Variants in OTOG observed in about 807,000 individuals in gnomAD.
OTOG encodes otogelin.
A neutral mutation model predicts 313.8 loss-of-function variants in OTOG; 296 were observed. The observed-to-expected ratio is 0.94, with a 90% CI of 0.86 to 1.04. The LOEUF is 1.04. Among genes scored for constraint, OTOG ranks in the 50% least tolerant of loss-of-function variants. The pLI is 0.00. For synonymous variants in OTOG, 1,533 were observed against 1,554.9 expected (o/e 0.99, Z 0.33); for missense variants, 3,948 against 3,840.1 (o/e 1.03, Z -0.74).
chr11:17,629,107 G>A lies in OTOG; in HGVS notation c.6529-26G>A, dbSNP rs780118865. 13 of 1,543,932 alleles carry A rather than the reference G, an allele frequency of 8.4e-6. No homozygotes were observed. In the South Asian group the frequency reaches 1.4e-4, roughly 17 times the overall value. On this transcript the variant is annotated intron_variant, in intron 39 of 55. Coordinates refer to ENST00000399397, the MANE Select transcript of OTOG (RefSeq NM_001292063.2). ...GGATGAATGAATGGATGGACAAGCT[G>A]TGCTCACACTGAATTCCCTCCCAAG...
chr11:17,576,064 T>C (rs1482851959), intron 20 of OTOG, among the ~76,000 whole-genome samples: 1 of 152,204 alleles, frequency 6.6e-6, no homozygotes, highest in Non-Finnish European at 1.5e-5. Context: ...AATGAGATTA[T>C]GTATGCAGAG....
intron 37 of OTOG, 103 bp from the exon 38 acceptor site, chr11:17,612,517 T>C: frequency 1.4e-6 from 2 of 1,433,684 alleles, no homozygotes; most frequent in Non-Finnish European, 1.9e-6. Flanking sequence ...CCCAGGCCTC[T>C]GCATCCATCC....
rs375919593 is a variant in OTOG, at chr11:17,562,046, AATATATATAT to A, written c.1644+256_1644+265del. Among the ~76,000 whole-genome samples, 2,668 of 139,810 alleles carry A rather than the reference AATATATATAT, an allele frequency of 0.019. 78 individuals carry two copies. Among genetic ancestry groups the A allele is most frequent in the African/African-American group, 0.067 (2,498 of 37,452 alleles). 91.7% of individuals were successfully genotyped at this position (139,810 alleles called of 152,430 possible). Reference sequence around the variant, plus strand: ...TTAGGATTTTACTACCTAAAAAAAAAATATATATATATATATATATATATATGTATGTATA... The same window carrying A: ...TTAGGATTTTACTACCTAAAAAAAAAATATATATATATATATGTATGTATA... On this transcript the variant is annotated intron_variant, in intron 15 of 55. Coordinates refer to ENST00000399397, the MANE Select transcript of OTOG (RefSeq NM_001292063.2).
At chr11:17,561,853 C>T (rs1852193597) in intron 15 of OTOG, 46 bp downstream of exon 15, 1 of 1,546,322 alleles carries the variant, frequency 6.5e-7, no homozygotes, top group South Asian at 1.2e-5. Flanking sequence ...GCTACTCCTG[C>T]CTACTGCCCC....
At chr11:17,622,969 G>A (rs1158102585) in intron 39 of OTOG, among the ~76,000 whole-genome samples, 1 of 152,122 alleles carries the variant, frequency 6.6e-6, no homozygotes, top group South Asian at 2.1e-4. Context: ...CCAAAAGTGT[G>A]AGGGTTCCCT....
Position 17,570,888 on chromosome 11 carries a change from C to T in OTOG, c.1955+498C>T, listed in dbSNP as rs180728810. On this transcript the variant is annotated intron_variant, in intron 17 of 55. Coordinates refer to ENST00000399397, the MANE Select transcript of OTOG (RefSeq NM_001292063.2). Reference sequence around the variant, plus strand: ...TTTCTAACCCACCAGGCCAGTCTAACCCTTGTGCCTTTCCTACCTGGTACT... The same window carrying T: ...TTTCTAACCCACCAGGCCAGTCTAATCCTTGTGCCTTTCCTACCTGGTACT... Among the ~76,000 whole-genome samples the T allele has an allele frequency of 3.3e-3, 502 of 152,272 alleles. 1 individual carries two copies. The highest frequency in any genetic ancestry group is 5.9e-3 in the Non-Finnish European group (398 of 68,012).
intron 47 of OTOG, among the ~76,000 whole-genome samples, chr11:17,637,189 G>A (rs1854287109): frequency 6.6e-6 from 1 of 152,062 alleles, no homozygotes; most frequent in Non-Finnish European, 1.5e-5. Flanking sequence ...TTATATAGAT[G>A]TGTGTGGTTT....
chr11:17,593,233 T>C lies in OTOG; in HGVS notation c.3047T>C (p.Val1016Ala). 1 of 1,550,118 alleles carries C rather than the reference T, an allele frequency of 6.5e-7. No homozygotes were observed. The highest frequency in any genetic ancestry group is 1.2e-5 in the South Asian group (1 of 84,048). ...AGCTTCTCTGTGATTGTAGAGAATG[T>C]GAACTGCTACAGCTCTGGCATGATC... ...DVSFSVIVEN[V>A]NCYSSGMICR... Residue 1016 changes from valine to alanine, a missense_variant, in exon 26 of 56, where the codon GTG (valine) becomes GCG (alanine). Physicochemically the swap from Val to Ala is moderately conservative, Grantham distance 64. Transcript: ENST00000399397.
intron 39 of OTOG, among the ~76,000 whole-genome samples, chr11:17,614,124 G>A (rs920382866): frequency 4.6e-5 from 7 of 152,188 alleles, no homozygotes; most frequent in African/African-American, 1.7e-4. Context: ...CCTCTGTCAA[G>A]GAGGCCGGGG....
In OTOG at chr11:17,602,329, A is replaced by G. The variant is rs964657307; in HGVS notation, c.3829A>G (p.Ile1277Val). 4 of 1,550,452 alleles carry G rather than the reference A, an allele frequency of 2.6e-6. No individual in the cohort carries two copies. The highest frequency in any genetic ancestry group is 2.7e-5 in the African/African-American group (2 of 73,058). ...GACAGAGGATGTGGCGCCAGCAGAC[A>G]TTGTGAGCTTCCTGCTGACAGCTGC... ...VRTEDVAPAD[I>V]VSFLLTAALY... is the part of the protein sequence containing the mutation. The change falls in exon 32 of 56, where the codon ATT becomes GTT. Residue 1277 changes from isoleucine to valine, a missense_variant. Physicochemically the swap from Ile to Val is conservative, Grantham distance 29 (BLOSUM62 3). Coordinates refer to ENST00000399397, the MANE Select transcript of OTOG (RefSeq NM_001292063.2).
At chr11:17,586,131 C>T (rs1204858973) in intron 23 of OTOG, among the ~76,000 whole-genome samples, 1 of 152,194 alleles carries the variant, frequency 6.6e-6, no homozygotes, top group Non-Finnish European at 1.5e-5. Flanking sequence ...GTAGGAGGGT[C>T]ATCGCCCATA....
At chr11:17,587,020 T>A (rs1484974602) in intron 24 of OTOG, among the ~76,000 whole-genome samples, 3 of 152,218 alleles carry the variant, frequency 2.0e-5, no homozygotes, top group Admixed American at 1.3e-4. Context: ...TTTATATATA[T>A]TTTTGTGCAT....
At chr11:17,553,235 C>G (rs1418240277) in intron 5 of OTOG, 24 bp downstream of exon 5, 2 of 1,548,788 alleles carry the variant, frequency 1.3e-6, no homozygotes, top group East Asian at 4.9e-5. Flanking sequence ...CCACCCCACC[C>G]CCAGGAAGGG....
Position 17,547,465 on chromosome 11 carries a change from C to A in OTOG, c.93C>A (p.Leu31=). 1 of 1,366,504 alleles carries A rather than the reference C, an allele frequency of 7.3e-7. No individual in the cohort carries two copies. The highest frequency in any genetic ancestry group is 9.4e-7 in the Non-Finnish European group (1 of 1,064,588). The allele number at this position is 1,366,504 out of a possible 1,614,324, so 84.6% of individuals were successfully genotyped here. A position where few individuals can be genotyped will look rare whatever the true frequency, so the allele number is the denominator to read the frequency against. ...CCGAGTCCCTGCGGGTGCAGCGCCT[C>A]GGTGAGAGGGTTGTGGACTCAGGGA... ...QAAESLRVQR[L]AAAPVLWGSA... is the part of the protein sequence containing the mutation. Residue 31 remains leucine, a splice_region_variant and synonymous_variant, in exon 1 of 56, where the codon CTC becomes CTA. Coordinates refer to ENST00000399397, the MANE Select transcript of OTOG (RefSeq NM_001292063.2).
chr11:17,603,370 C>T (rs1209474348), intron 32 of OTOG, among the ~76,000 whole-genome samples: 2 of 152,196 alleles, frequency 1.3e-5, no homozygotes, highest in African/African-American at 4.8e-5. Flanking sequence ...TGTGGCAGGC[C>T]ATCTGCTTAG....
intron 47 of OTOG, among the ~76,000 whole-genome samples, chr11:17,637,381 C>G (rs952684673): frequency 6.6e-6 from 1 of 152,190 alleles, no homozygotes; most frequent in African/African-American, 2.4e-5. Context: ...CCTCACATCT[C>G]TCATCCTAGC....
In OTOG at chr11:17,612,603, C is replaced by A. The variant is rs1288219002; in HGVS notation, c.6293-17C>A. ...GAGGCATCCACCTATTCTTCTTGTG[C>A]CCTGCCCCTCCCCCAGGCCGGTGCT... On this transcript the variant is annotated splice_polypyrimidine_tract_variant and intron_variant, in intron 37 of 55. Coordinates refer to ENST00000399397, the MANE Select transcript of OTOG (RefSeq NM_001292063.2). 1.9e-6 allele frequency: 3 copies of A among 1,546,588 alleles called. No individual in the cohort carries two copies. Among genetic ancestry groups the A allele is most frequent in the Non-Finnish European group, 2.6e-6 (3 of 1,144,968 alleles).
In OTOG at chr11:17,548,186, G is replaced by C. The variant is rs767057476; in HGVS notation, c.190G>C (p.Asp64His). Reference protein sequence around the residue: ...SHQEATLAMGDKATVVGGQQA... With the variant: ...SHQEATLAMGHKATVVGGQQA... ...CCAGGAGGCGACCCTTGCCATGGGG[G>C]ACAAGGCTACAGTCGTGGGAGGCCA... The change falls in exon 3 of 56, where the codon GAC (aspartate) becomes CAC (histidine). Residue 64 changes from aspartate to histidine, a missense_variant. Transcript: ENST00000399397. 6.5e-7 allele frequency: 1 copy of C among 1,548,438 alleles called. No homozygotes were observed. Among genetic ancestry groups the C allele is most frequent in the Non-Finnish European group, 8.7e-7 (1 of 1,145,770 alleles).
chr11:17,634,304 T>C (rs1854206608), intron 44 of OTOG, 23 bp downstream of exon 44: 4 of 1,545,704 alleles, frequency 2.6e-6, no homozygotes, highest in Admixed American at 2.0e-5. Flanking sequence ...CTTCACTTCC[T>C]TGGACGTCAA....
Sources: gnomAD v4.1 joint callset for allele counts (sites outside exome capture counted in the v4.1 genomes callset) on GRCh38, gnomAD v4.1.1 for gene constraint, MANE v1.5 for transcripts, NCBI Gene and HGNC (gene_info 2026-07-23, HGNC 2026-07-21) for gene names.